USP54: variants seen among roughly 807,000 people sequenced by gnomAD.
USP54 encodes ubiquitin specific peptidase 54, also known as ubiquitin carboxyl-terminal hydrolase 54.
A neutral mutation model predicts 170.5 loss-of-function variants in USP54; 87 were observed. The ratio of observed to expected loss-of-function variants is 0.51; its 90% CI spans 0.43 to 0.61. The LOEUF is 0.61. USP54 is among the 20% of genes least tolerant of loss of function. The pLI is 0.00. For synonymous variants in USP54, 655 were observed against 742.8 expected, an observed-to-expected ratio of 0.88 and a Z score of 1.92; for missense variants, 1,786 against 2,047.8, an observed-to-expected ratio of 0.87 and a Z score of 2.47.
chr10:73,519,162 A>T (rs984291439), intron 19 of USP54: 1 of 150,602 alleles, frequency 6.6e-6, no homozygotes, highest in African/African-American at 2.5e-5. Flanking sequence ...AAAAAAAAAA[A>T]TGTTAACTGC....
At chr10:73,604,270 C>T (rs1000031081) in intron 1 of USP54, among the ~76,000 whole-genome samples, 4 of 151,884 alleles carry the variant, frequency 2.6e-5, no homozygotes, top group Non-Finnish European at 5.9e-5. Flanking sequence ...CAAAACCACA[C>T]ACAAAACAAA....
At chr10:73,624,396 G>GGT (rs2081359985) in intron 1 of USP54, 1 of 138,304 alleles carries the variant, frequency 7.2e-6, no homozygotes, top group Non-Finnish European at 1.6e-5. Flanking sequence ...GACGGGGGGG[G>GGT]GGGGTTTCAC....
chr10:73,528,031 G>T (rs1054398413), intron 15 of USP54, among the ~76,000 whole-genome samples: 16 of 152,082 alleles, frequency 1.1e-4, no homozygotes, highest in Non-Finnish European at 1.8e-4. Flanking sequence ...CGCCTCCCGG[G>T]TTCAAGTGAT....
At chr10:73,565,354 C>T (rs992937804) in intron 4 of USP54, among the ~76,000 whole-genome samples, 1 of 151,690 alleles carries the variant, frequency 6.6e-6, no homozygotes, top group East Asian at 1.9e-4. Context: ...CCATCTCTAC[C>T]AAAAATTTAA....
intron 1 of USP54, among the ~76,000 whole-genome samples, chr10:73,586,169 C>T (rs1268386337): frequency 2.0e-5 from 3 of 152,220 alleles, no homozygotes; most frequent in African/African-American, 7.2e-5. Context: ...ATGTGCCTCT[C>T]ACTCATCCTC....
At chr10:73,596,474 G>A (rs2078740194) in intron 1 of USP54, among the ~76,000 whole-genome samples, 1 of 151,444 alleles carries the variant, frequency 6.6e-6, no homozygotes, top group South Asian at 2.1e-4. Context: ...CAGGAGAATG[G>A]TGTGAACCCG....
Position 73,504,887 on chromosome 10 carries a change from G to T in USP54, c.4274C>A (p.Ser1425Ter). Residue 1425 changes from serine (S) to a stop codon, truncating the protein, a stop_gained, in exon 22 of 24, where the codon TCA becomes TAA. Transcript: ENST00000687698. LOFTEE classifies it high-confidence loss of function. Reference sequence around the variant, plus strand: ...AGAAACCGGAGCTTCCTCCCTCTCTGAGACAACGGTGCCACTGAGACTGCG... The same window carrying T: ...AGAAACCGGAGCTTCCTCCCTCTCTTAGACAACGGTGCCACTGAGACTGCG... ...ISRSLSGTVV[S>*]EREEAPVSSH... is the part of the protein sequence containing the mutation. The T allele has an allele frequency of 6.2e-7, 1 of 1,614,104 alleles. No individual in the cohort carries two copies. The highest frequency in any genetic ancestry group is 8.5e-7 in the Non-Finnish European group (1 of 1,180,022).
chr10:73,541,516 G>A lies in USP54; in HGVS notation c.684C>T (p.Asn228=). ...GGCGAATCCTGATCCTCTCTCCACAGTTGCTCTGAAATACATATATAAGGC... is the reference window on the plus strand; with the variant it reads ...GGCGAATCCTGATCCTCTCTCCACAATTGCTCTGAAATACATATATAAGGC... ...TMGDLRNCPS[N]CGERIRIRRV... is the part of the protein sequence containing the mutation. The change falls in exon 9 of 24, where the codon AAC becomes AAT. Residue 228 remains asparagine (N), a synonymous_variant. Transcript: ENST00000687698. The A allele has an allele frequency of 6.2e-7, 1 of 1,614,162 alleles. No homozygotes were observed. Among genetic ancestry groups the A allele is most frequent in the African/African-American group, 1.3e-5 (1 of 75,030 alleles).
chr10:73,523,809 T>C, intron 16 of USP54, 59 bp from the exon 17 acceptor site: 3 of 1,480,930 alleles, frequency 2.0e-6, no homozygotes, highest in Non-Finnish European at 2.8e-6. Flanking sequence ...AAGTACTTGA[T>C]GAATTTATGA....
intron 4 of USP54, among the ~76,000 whole-genome samples, chr10:73,553,808 T>C (rs763745521): frequency 1.4e-4 from 22 of 152,186 alleles, no homozygotes; most frequent in Non-Finnish European, 2.2e-4. Context: ...TTCCTTTTCA[T>C]TCTCAGGAAA....
At chr10:73,528,508 G>A (rs1326530518) in intron 15 of USP54, among the ~76,000 whole-genome samples, 4 of 151,984 alleles carry the variant, frequency 2.6e-5, no homozygotes, top group South Asian at 2.1e-4. Flanking sequence ...CACCCGCCTC[G>A]GCCTCCCAAA....
chr10:73,575,498 G>A lies in USP54; in HGVS notation c.147+14C>T, dbSNP rs370733465. The A allele has an allele frequency of 2.3e-5, 36 of 1,576,804 alleles. No individual in the cohort carries two copies. In the South Asian group the frequency reaches 3.6e-4, roughly 16 times the overall value. ...AAAGTCAAAGTTCACCAAAAATAAA[G>A]AAATGACCCTTACCTGCAGGGCACT... On this transcript the variant is annotated intron_variant, in intron 3 of 23. Coordinates refer to ENST00000687698, the MANE Select transcript of USP54 (RefSeq NM_001391956.1).
intron 9 of USP54, 52 bp from the exon 10 acceptor site, chr10:73,539,645 C>A (rs1564752792): frequency 6.5e-7 from 1 of 1,530,108 alleles, no homozygotes; most frequent in Non-Finnish European, 8.9e-7. Flanking sequence ...AACCATTCCA[C>A]ATCATCTCTC....
rs2057393363 is a variant in USP54 at position 73,498,427 on chromosome 10, C to T, written c.*202G>A. ...AGTAGTTGGGACTACAGGCACGCAC[C>T]GTCACGCCTGGCTAATTTTTTGTAT... is the stretch of plus-strand genomic sequence containing the variant. On this transcript the variant is annotated 3_prime_UTR_variant, in exon 24 of 24. Coordinates refer to ENST00000687698, the MANE Select transcript of USP54 (RefSeq NM_001391956.1). 4 of 356,300 alleles carry T rather than the reference C, an allele frequency of 1.1e-5. No homozygotes were observed. Among genetic ancestry groups the T allele is most frequent in the South Asian group, 6.4e-5 (1 of 15,572 alleles). The allele number at this position is 356,300 out of a possible 1,614,324, so 22.1% of individuals were successfully genotyped here.
intron 3 of USP54, among the ~76,000 whole-genome samples, 163 bp downstream of exon 3, chr10:73,575,349 A>G (rs1467026046): frequency 6.6e-6 from 1 of 152,208 alleles, no homozygotes; most frequent in Admixed American, 6.5e-5. Context: ...ATTCAAAGAG[A>G]TAAAGTGACT....
In USP54 at chr10:73,497,943, G is replaced by A. The variant is rs1052023562; in HGVS notation, c.*686C>T. The A allele has an allele frequency of 2.6e-5, 4 of 152,350 alleles. No homozygotes were observed. Among genetic ancestry groups the A allele is most frequent in the African/African-American group, 9.6e-5 (4 of 41,456 alleles). The allele number at this position is 152,350 out of a possible 1,614,324, so 9.4% of individuals were successfully genotyped here. ...AAGAGTAGAAGTTGGGAGTATAGTA[G>A]GGAACAGAGGATGAGGGCTCAGGTG... On this transcript the variant is annotated 3_prime_UTR_variant, in exon 24 of 24. Transcript: ENST00000687698.
At position 73,516,723 on chromosome 10, in the gene USP54, C is replaced by T; in HGVS notation, c.3703G>A (p.Glu1235Lys). Reference sequence around the variant, plus strand: ...ACATCTCTCACTTGGGACAGCTTCTCTTGGTATATGTCTGGCTCTGCCAAC... The same window carrying T: ...ACATCTCTCACTTGGGACAGCTTCTTTTGGTATATGTCTGGCTCTGCCAAC... The part of the protein sequence containing the change: ...PRLAEPDIYQ[E>K]KLSQVRDVRS... Residue 1235 changes from glutamate (E) to lysine (K), a missense_variant, in exon 20 of 24, where the codon GAG (glutamate) becomes AAG (lysine). Transcript: ENST00000687698. 3 of 1,614,186 alleles carry T rather than the reference C, an allele frequency of 1.9e-6. No individual in the cohort carries two copies. The highest frequency in any genetic ancestry group is 1.3e-5 in the African/African-American group (1 of 75,062).
In USP54 at chr10:73,539,455, G is replaced by T; in HGVS notation, c.964C>A (p.His322Asn). The T allele has an allele frequency of 6.2e-7, 1 of 1,609,914 alleles. No individual in the cohort carries two copies. Among genetic ancestry groups the T allele is most frequent in the Non-Finnish European group, 8.5e-7 (1 of 1,177,588 alleles). Residue 322 changes from histidine to asparagine, a missense_variant, in exon 10 of 24, where the codon CAT (histidine) becomes AAT (asparagine). His to Asn is a moderately conservative substitution (Grantham distance 68). Transcript: ENST00000687698. ...IRKWMYFDDA[H>N]VKEIGPKWKD... ...TTGACTACTCCTACCTCCTTGACAT[G>T]AGCATCATCAAAATACATCCATTTG... is the stretch of plus-strand genomic sequence containing the variant.
At chr10:73,504,806 AAGG>A in intron 22 of USP54, 41 bp downstream of exon 22, 1 of 1,613,330 alleles carries the variant, frequency 6.2e-7, no homozygotes, top group Non-Finnish European at 8.5e-7. Flanking sequence ...TTTGCTTAGC[AAGG>A]AGGAGGGTGC....
Sources: allele counts gnomAD v4.1 joint callset (sites outside exome capture counted in the v4.1 genomes callset), GRCh38; gene constraint gnomAD v4.1.1; transcripts MANE v1.5; gene names NCBI Gene and HGNC (gene_info 2026-07-23, HGNC 2026-07-21).